Variants in PTPRT observed in about 807,000 individuals in gnomAD.
PTPRT encodes the protein protein tyrosine phosphatase receptor type T, also known as receptor-type tyrosine-protein phosphatase T.
A neutral mutation model predicts 176.8 loss-of-function variants in PTPRT; 56 were observed. The observed-to-expected ratio is 0.32, with a 90% CI of 0.26 to 0.40. The LOEUF is 0.40. Among genes scored for constraint, PTPRT ranks in the 10% least tolerant of loss-of-function variants. The pLI is 1.00. For missense variants in PTPRT, 1,540 were observed against 1,908.2 expected (o/e 0.81, Z 3.60); for synonymous variants, 783 against 739.0 (o/e 1.06, Z -0.96).
chr20:42,606,388 T>G (rs1036102591), intron 7 of PTPRT, among the ~76,000 whole-genome samples: 2 of 152,214 alleles, frequency 1.3e-5, no homozygotes, highest in Non-Finnish European at 2.9e-5. Flanking sequence ...GCTACAGCCT[T>G]GCCAACTGCT....
chr20:42,738,948 G>A (rs1029240038), intron 6 of PTPRT, among the ~76,000 whole-genome samples: 6 of 152,112 alleles, frequency 3.9e-5, no homozygotes, highest in African/African-American at 1.4e-4. Context: ...GGCACCTGTA[G>A]TCCCAGCTAC....
chr20:42,819,698 C>T (rs372648029), intron 2 of PTPRT, among the ~76,000 whole-genome samples: 33 of 148,960 alleles, frequency 2.2e-4, no homozygotes, highest in East Asian at 7.9e-4. Flanking sequence ...AATAATGAGA[C>T]GGAGGAAAAT....
At chr20:42,303,556 G>A (rs1042627732) in intron 12 of PTPRT, among the ~76,000 whole-genome samples, 1 of 152,050 alleles carries the variant, frequency 6.6e-6, no homozygotes, top group Non-Finnish European at 1.5e-5. Context: ...ACCCCAGCTC[G>A]TTCTCTTGTT....
At chr20:43,044,290 G>T (rs980992850) in intron 1 of PTPRT, among the ~76,000 whole-genome samples, 2 of 152,038 alleles carry the variant, frequency 1.3e-5, no homozygotes, top group African/African-American at 2.4e-5. Flanking sequence ...ACCAGGAGTG[G>T]CCACCTGCAT....
chr20:42,193,571 A>T (rs1991082440), intron 16 of PTPRT, among the ~76,000 whole-genome samples: 1 of 152,192 alleles, frequency 6.6e-6, no homozygotes, highest in African/African-American at 2.4e-5. Flanking sequence ...GGGCTTATTT[A>T]CTTCAGTTCT....
intron 1 of PTPRT, among the ~76,000 whole-genome samples, chr20:42,983,604 G>A (rs984726988): frequency 1.3e-5 from 2 of 152,152 alleles, no homozygotes; most frequent in Non-Finnish European, 2.9e-5. Flanking sequence ...GGCTCCTCCT[G>A]GGATCTGGGG....
At chr20:43,127,691 G>C (rs1338081709) in intron 1 of PTPRT, among the ~76,000 whole-genome samples, 1 of 152,170 alleles carries the variant, frequency 6.6e-6, no homozygotes, top group Non-Finnish European at 1.5e-5. Flanking sequence ...GGATGTTAAA[G>C]AGCCCAGGTT....
chr20:43,099,714 C>A (rs1194100183), intron 1 of PTPRT, among the ~76,000 whole-genome samples: 1 of 152,186 alleles, frequency 6.6e-6, no homozygotes, highest in Non-Finnish European at 1.5e-5. Context: ...TCCAATCCTG[C>A]CAGTCTTTCA....
intron 1 of PTPRT, among the ~76,000 whole-genome samples, chr20:43,122,657 C>G (rs965772636): frequency 1.3e-5 from 2 of 152,198 alleles, no homozygotes; most frequent in Non-Finnish European, 2.9e-5. Flanking sequence ...TCCCCCTTCT[C>G]TCTCTCTTGC....
At chr20:43,063,865 C>T (rs2146257731) in intron 1 of PTPRT, among the ~76,000 whole-genome samples, 1 of 152,286 alleles carries the variant, frequency 6.6e-6, no homozygotes, top group East Asian at 1.9e-4. Flanking sequence ...CCAAGTTCAT[C>T]AGTTGATGGA....
intron 1 of PTPRT, among the ~76,000 whole-genome samples, chr20:43,039,491 GA>G (rs1026400882): frequency 2.0e-5 from 3 of 151,348 alleles, no homozygotes; most frequent in Non-Finnish European, 2.9e-5. Flanking sequence ...AAAAGCACCA[GA>G]AAAAAAAGAA....
intron 7 of PTPRT, among the ~76,000 whole-genome samples, chr20:42,634,797 C>A (rs770995994): frequency 6.6e-6 from 1 of 152,084 alleles, no homozygotes; most frequent in Non-Finnish European, 1.5e-5. Flanking sequence ...TCACATGCAA[C>A]GCAGTCTGCT....
In PTPRT at chr20:42,115,321, G is replaced by C. The variant is rs761484575; in HGVS notation, c.2983-6C>G. The C allele has an allele frequency of 7.5e-6, 12 of 1,605,170 alleles. No individual in the cohort carries two copies. Among genetic ancestry groups the C allele is most frequent in the Middle Eastern group, 1.7e-4 (1 of 6,058 alleles). ...CAGTATCGCACACATTTCACCTGTG[G>C]CCAAGTGAGAGACAGAGACAGAGAC... is the stretch of plus-strand genomic sequence containing the variant. On this transcript the variant is annotated splice_region_variant and splice_polypyrimidine_tract_variant and intron_variant, in intron 21 of 30. Coordinates refer to ENST00000373187, the MANE Select transcript of PTPRT (RefSeq NM_007050.6).
intron 7 of PTPRT, among the ~76,000 whole-genome samples, chr20:42,550,037 C>T (rs1212315300): frequency 6.6e-6 from 1 of 152,134 alleles, no homozygotes; most frequent in African/African-American, 2.4e-5. Flanking sequence ...AGACTGTGGG[C>T]TAATTTGCAA....
intron 17 of PTPRT, among the ~76,000 whole-genome samples, chr20:42,155,555 GGA>G (rs1326376729): frequency 1.4e-4 from 21 of 152,174 alleles, no homozygotes; most frequent in African/African-American, 3.9e-4. Context: ...GAGGCCCAGA[GGA>G]GAGTGACCTG....
intron 1 of PTPRT, among the ~76,000 whole-genome samples, chr20:43,163,653 CA>C (rs760611787): frequency 0.092 from 13,535 of 146,644 alleles, 951 homozygotes; most frequent in East Asian, 0.27. Context: ...CAAAACAAAA[CA>C]AAAAAAAAAA....
chr20:42,730,286 C>A lies in PTPRT; in HGVS notation c.859+26176G>T, dbSNP rs531674368. 1.1e-4 allele frequency among the ~76,000 whole-genome samples: 16 copies of A among 152,212 alleles called. No individual in the cohort carries two copies. The East Asian group carries it at 2.9e-3, about 28-fold the overall frequency. ...TCCAGACTCACTGCTAGAAATAAGACCACCAAAAGGGAAGAATCATGGCAT... is the reference window on the plus strand; with the variant it reads ...TCCAGACTCACTGCTAGAAATAAGAACACCAAAAGGGAAGAATCATGGCAT... On this transcript the variant is annotated intron_variant, in intron 6 of 30. Transcript: ENST00000373187.
At chr20:42,206,762 G>C (rs6124429) in intron 15 of PTPRT, among the ~76,000 whole-genome samples, 42 of 152,224 alleles carry the variant, frequency 2.8e-4, no homozygotes, top group African/African-American at 7.2e-4. Flanking sequence ...CCGGAAGCTC[G>C]AACTGGGTGA....
intron 13 of PTPRT, 77 bp from the exon 14 acceptor site, chr20:42,248,899 G>C (rs1380123016): frequency 6.5e-7 from 1 of 1,540,650 alleles, no homozygotes; most frequent in East Asian, 2.3e-5. Context: ...AATGACAACA[G>C]CTTCCTTTAG....
Sources: allele counts gnomAD v4.1 joint callset (sites outside exome capture counted in the v4.1 genomes callset), GRCh38; gene constraint gnomAD v4.1.1; transcripts MANE v1.5; gene names NCBI Gene and HGNC (gene_info 2026-07-23, HGNC 2026-07-21).